The following XKR9 variants were observed in gnomAD, a reference collection of about 807,000 sequenced individuals.
The protein encoded by XKR9 is XK-related protein 9.
A neutral mutation model predicts 32.0 loss-of-function variants in XKR9; 32 were observed. The ratio of observed to expected loss-of-function variants is 1.00; its 90% CI spans 0.76 to 1.34. The LOEUF (loss-of-function observed/expected upper bound fraction) is 1.34, where lower values mean the gene tolerates loss of function less well. Ranked by LOEUF, XKR9 falls within the 40% of genes most tolerant of loss-of-function variation. XKR9 has a pLI of 0.00. For synonymous variants in XKR9, 168 were observed against 143.4 expected (o/e 1.17, Z -1.22); for missense variants, 546 against 429.7 (o/e 1.27, Z -2.39).
At chr8:70,957,783 C>A in the XKR9 span, among the ~76,000 whole-genome samples, 1 of 84,814 alleles carries the variant, frequency 1.2e-5, no homozygotes, top group East Asian at 3.9e-4. Flanking sequence ...TTCAGTCTAT[C>A]TTTTTTTTTT....
the XKR9 span, among the ~76,000 whole-genome samples, chr8:70,866,958 G>C: frequency 6.6e-6 from 1 of 152,160 alleles, no homozygotes; most frequent in African/African-American, 2.4e-5. Context: ...TATCATGGAG[G>C]TTAAATCAAT....
the XKR9 span, among the ~76,000 whole-genome samples, chr8:70,966,113 T>C: frequency 6.6e-6 from 1 of 152,198 alleles, no homozygotes; most frequent in Non-Finnish European, 1.5e-5. Flanking sequence ...TGGTATGTTG[T>C]CTCTCTGTTT....
At chr8:70,876,935 A>C in the XKR9 span, among the ~76,000 whole-genome samples, 2 of 152,168 alleles carry the variant, frequency 1.3e-5, no homozygotes, top group Non-Finnish European at 2.9e-5. Context: ...AAAAATGATA[A>C]TAAACATAAA....
the XKR9 span, among the ~76,000 whole-genome samples, chr8:71,027,518 A>T: frequency 6.7e-6 from 1 of 150,226 alleles, no homozygotes; most frequent in South Asian, 2.1e-4. Flanking sequence ...ATATGCATTC[A>T]TACTGTAGTG....
At chr8:71,006,797 G>C in the XKR9 span, among the ~76,000 whole-genome samples, 2 of 152,158 alleles carry the variant, frequency 1.3e-5, no homozygotes, top group African/African-American at 2.4e-5. Context: ...AAAATGGACA[G>C]TTGCTCCCAT....
the XKR9 span, among the ~76,000 whole-genome samples, chr8:71,059,664 G>C: frequency 2.6e-5 from 4 of 152,300 alleles, no homozygotes; most frequent in Non-Finnish European, 5.9e-5. Flanking sequence ...TCAGTGTGAA[G>C]GACCGGCTCT....
chr8:70,758,767 A>G (rs1039481441), intron 2 of XKR9, among the ~76,000 whole-genome samples: 2 of 152,194 alleles, frequency 1.3e-5, no homozygotes, highest in Non-Finnish European at 2.9e-5. Context: ...CTAGCATTTT[A>G]AATTGTCACT....
At chr8:70,753,534 G>A (rs1391948733) in intron 2 of XKR9, among the ~76,000 whole-genome samples, 3 of 152,156 alleles carry the variant, frequency 2.0e-5, no homozygotes, top group Admixed American at 6.6e-5. Context: ...CTGGCAAACC[G>A]AATCCAGCAG....
At chr8:70,829,608 C>A in the XKR9 span, among the ~76,000 whole-genome samples, 1 of 152,150 alleles carries the variant, frequency 6.6e-6, no homozygotes, top group Admixed American at 6.5e-5. Context: ...GCTACCACAC[C>A]CGGTTAATTT....
the XKR9 span, among the ~76,000 whole-genome samples, chr8:71,006,946 T>C: frequency 6.6e-6 from 1 of 152,186 alleles, no homozygotes; most frequent in Non-Finnish European, 1.5e-5. Context: ...GGATGTACGA[T>C]TCCTAAAACT....
At chr8:70,925,633 T>C in the XKR9 span, among the ~76,000 whole-genome samples, 1 of 152,212 alleles carries the variant, frequency 6.6e-6, no homozygotes. Flanking sequence ...GCCTGGCTTA[T>C]GAATGTAGTG....
chr8:70,746,451 A>G (rs1807060622), intron 2 of XKR9, among the ~76,000 whole-genome samples: 1 of 148,008 alleles, frequency 6.8e-6, no homozygotes, highest in South Asian at 2.1e-4. Flanking sequence ...TATAATGTAT[A>G]AAACATATAA....
chr8:71,060,764 C>G, the XKR9 span, among the ~76,000 whole-genome samples: 1 of 152,212 alleles, frequency 6.6e-6, no homozygotes, highest in East Asian at 1.9e-4. Flanking sequence ...TATTTCTACC[C>G]CAGTTAGGGA....
chr8:70,766,288 T>C (rs955234818), intron 2 of XKR9, among the ~76,000 whole-genome samples: 6 of 152,326 alleles, frequency 3.9e-5, no homozygotes, highest in Middle Eastern at 3.4e-3. Flanking sequence ...CCTTGAGCAG[T>C]GGTTTGTAGT....
the XKR9 span, among the ~76,000 whole-genome samples, chr8:70,970,095 G>A: frequency 1.3e-5 from 2 of 152,164 alleles, no homozygotes; most frequent in African/African-American, 4.8e-5. Flanking sequence ...TTTTATGGCT[G>A]AGTAGTACTC....
At chr8:70,939,516 T>C in the XKR9 span, among the ~76,000 whole-genome samples, 1 of 152,102 alleles carries the variant, frequency 6.6e-6, no homozygotes, top group Non-Finnish European at 1.5e-5. Context: ...TTCTAGTCTT[T>C]GGAGTTTAGA....
intron 4 of XKR9, among the ~76,000 whole-genome samples, chr8:70,715,177 C>T (rs1806048130): frequency 6.6e-6 from 1 of 152,164 alleles, no homozygotes; most frequent in African/African-American, 2.4e-5. Context: ...CCTAGCTCCA[C>T]CACTTACTAA....
chr8:70,681,644 T>G (rs908090496), intron 3 of XKR9, among the ~76,000 whole-genome samples: 1 of 152,146 alleles, frequency 6.6e-6, no homozygotes, highest in Non-Finnish European at 1.5e-5. Flanking sequence ...AGTCTGATTG[T>G]GTAAATATGG....
the XKR9 span, among the ~76,000 whole-genome samples, chr8:70,802,278 G>A: frequency 2.0e-5 from 3 of 152,020 alleles, no homozygotes; most frequent in African/African-American, 7.2e-5. Flanking sequence ...CATCTGTTTT[G>A]TCTGAAATTA....
Sources: gnomAD v4.1 joint callset for allele counts (sites outside exome capture counted in the v4.1 genomes callset) on GRCh38, gnomAD v4.1.1 for gene constraint, MANE v1.5 for transcripts, NCBI Gene and HGNC (gene_info 2026-07-23, HGNC 2026-07-21) for gene names.